Variants in CAMKMT observed in about 807,000 individuals in gnomAD.
CAMKMT encodes calmodulin-lysine N-methyltransferase, also known as CaM KMT.
Under a neutral mutation model 48.0 loss-of-function variants are expected in CAMKMT, and 53 were observed. The observed-to-expected ratio is 1.10, with a 90% CI of 0.89 to 1.39. The LOEUF is 1.39. CAMKMT is among the 40% of genes most tolerant of loss of function. The pLI is 0.00. For synonymous variants in CAMKMT, 165 were observed against 152.3 expected (o/e 1.08, Z -0.61); for missense variants, 428 against 402.7 (o/e 1.06, Z -0.54).
intron 3 of CAMKMT, among the ~76,000 whole-genome samples, chr2:44,636,768 A>G (rs1469388954): frequency 6.6e-6 from 1 of 152,192 alleles, no homozygotes; most frequent in Non-Finnish European, 1.5e-5. Flanking sequence ...CATTTTACCA[A>G]TTGGAAAACT....
At chr2:44,499,752 T>C (rs1346848264) in intron 3 of CAMKMT, among the ~76,000 whole-genome samples, 1 of 152,184 alleles carries the variant, frequency 6.6e-6, no homozygotes, top group Non-Finnish European at 1.5e-5. Context: ...GATTTCTGTG[T>C]TGTAGAACCA....
intron 3 of CAMKMT, among the ~76,000 whole-genome samples, chr2:44,608,989 C>G (rs1055173247): frequency 6.6e-6 from 1 of 152,186 alleles, no homozygotes; most frequent in Admixed American, 6.5e-5. Context: ...CTATTCAAGT[C>G]CAATCCAAAA....
At chr2:44,385,614 C>T (rs1051062563) in intron 2 of CAMKMT, among the ~76,000 whole-genome samples, 1 of 152,066 alleles carries the variant, frequency 6.6e-6, no homozygotes, top group African/African-American at 2.4e-5. Flanking sequence ...GTGGGTTTAT[C>T]ATAGATGGCT....
chr2:44,581,846 C>G (rs1399417246), intron 3 of CAMKMT, among the ~76,000 whole-genome samples: 1 of 151,872 alleles, frequency 6.6e-6, no homozygotes, highest in East Asian at 1.9e-4. Flanking sequence ...TAAAAGTACA[C>G]ATATTAGCCA....
At chr2:44,663,167 A>G (rs1314369862) in intron 3 of CAMKMT, among the ~76,000 whole-genome samples, 4 of 152,188 alleles carry the variant, frequency 2.6e-5, no homozygotes, top group Non-Finnish European at 4.4e-5. Flanking sequence ...TCCATGATCC[A>G]CACTCAAGTC....
At chr2:44,595,495 A>G (rs1374093548) in intron 3 of CAMKMT, among the ~76,000 whole-genome samples, 3 of 152,232 alleles carry the variant, frequency 2.0e-5, no homozygotes, top group Non-Finnish European at 2.9e-5. Flanking sequence ...GAAATAAAAG[A>G]GGACACAAAC....
At chr2:44,748,367 G>C (rs886532610) in intron 8 of CAMKMT, among the ~76,000 whole-genome samples, 8 of 152,044 alleles carry the variant, frequency 5.3e-5, no homozygotes, top group Non-Finnish European at 1.2e-4. Context: ...ATAAGGGCAT[G>C]TTTGAAGCTC....
In CAMKMT at chr2:44,766,420, A is replaced by C. The variant is rs1558843211; in HGVS notation, c.763-10A>C. 2 of 1,612,794 alleles carry C rather than the reference A, an allele frequency of 1.2e-6. No individual in the cohort carries two copies. Among genetic ancestry groups the C allele is most frequent in the South Asian group, 2.2e-5 (2 of 90,736 alleles). On this transcript the variant is annotated splice_polypyrimidine_tract_variant and intron_variant, in intron 9 of 10. Transcript: ENST00000378494. ...TTTAAAATATGTGAATTTCCTTTTT[A>C]CTGTTCTAGGGGAAAGCGATGGTAT... is the stretch of plus-strand genomic sequence containing the variant.
At chr2:44,661,310 CTTTTTTT>C (rs764984677) in intron 3 of CAMKMT, among the ~76,000 whole-genome samples, 29 of 89,186 alleles carry the variant, frequency 3.3e-4, no homozygotes, top group Non-Finnish European at 4.7e-4. Flanking sequence ...TGTGAGCAGC[CTTTTTTT>C]TTTTTTTTTT....
chr2:44,686,508 A>G (rs1676347862), intron 3 of CAMKMT, among the ~76,000 whole-genome samples: 1 of 152,244 alleles, frequency 6.6e-6, no homozygotes, highest in African/African-American at 2.4e-5. Context: ...GATGTTAACA[A>G]TGGGAGAAAC....
chr2:44,437,009 A>G (rs947394639), intron 3 of CAMKMT, among the ~76,000 whole-genome samples: 1 of 152,210 alleles, frequency 6.6e-6, no homozygotes, highest in African/African-American at 2.4e-5. Context: ...AGAATTTATA[A>G]CATACCATTT....
intron 3 of CAMKMT, among the ~76,000 whole-genome samples, chr2:44,536,996 G>A (rs764643538): frequency 1.1e-4 from 16 of 151,916 alleles, no homozygotes; most frequent in Non-Finnish European, 1.8e-4. Flanking sequence ...CTCTCTCCAC[G>A]TACCAAAAAG....
chr2:44,375,019 C>G (rs1450353652), intron 2 of CAMKMT, among the ~76,000 whole-genome samples: 3 of 151,928 alleles, frequency 2.0e-5, no homozygotes, highest in Non-Finnish European at 4.4e-5. Flanking sequence ...TAGTCCCAGG[C>G]ACTCAGGAGG....
intron 3 of CAMKMT, among the ~76,000 whole-genome samples, chr2:44,649,248 A>T (rs2104029296): frequency 6.6e-6 from 1 of 152,074 alleles, no homozygotes; most frequent in Non-Finnish European, 1.5e-5. Context: ...CTTGAGGTTC[A>T]GTGACTTTTC....
intron 3 of CAMKMT, among the ~76,000 whole-genome samples, chr2:44,681,503 G>A (rs906594176): frequency 2.6e-4 from 39 of 152,050 alleles, no homozygotes; most frequent in African/African-American, 9.2e-4. Flanking sequence ...GCAGAGGAGG[G>A]GGTGTTCTTA....
chr2:44,457,401 CTT>C (rs200637467), intron 3 of CAMKMT: 30 of 141,340 alleles, frequency 2.1e-4, no homozygotes, highest in Non-Finnish European at 2.6e-4. Context: ...TTCTTTCTCT[CTT>C]TTTTTTTTTT....
At chr2:44,706,047 GGTAATGTTGCA>G (rs1419526577) in intron 4 of CAMKMT, among the ~76,000 whole-genome samples, 1 of 152,076 alleles carries the variant, frequency 6.6e-6, no homozygotes, top group Non-Finnish European at 1.5e-5. Context: ...GCTCAGCGGT[GGTAATGTTGCA>G]GTGAACACTA....
chr2:44,768,232 G>A (rs978305940), intron 10 of CAMKMT, among the ~76,000 whole-genome samples: 3 of 151,812 alleles, frequency 2.0e-5, no homozygotes, highest in African/African-American at 7.3e-5. Context: ...TGGTACATTG[G>A]ACTAAGAAAT....
chr2:44,728,579 A>G (rs951477515), intron 7 of CAMKMT, among the ~76,000 whole-genome samples: 7 of 152,080 alleles, frequency 4.6e-5, no homozygotes, highest in Non-Finnish European at 1.0e-4. Context: ...GTTATGACTG[A>G]CTTAATTTCA....
Sources: allele counts gnomAD v4.1 joint callset (sites outside exome capture counted in the v4.1 genomes callset), GRCh38; gene constraint gnomAD v4.1.1; transcripts MANE v1.5; gene names NCBI Gene and HGNC (gene_info 2026-07-23, HGNC 2026-07-21).